The following SGSM2 variants were observed in gnomAD, a reference collection of about 807,000 sequenced individuals.
SGSM2 encodes RUN and TBC1 domain containing 1.
Under a neutral mutation model 126.6 loss-of-function variants are expected in SGSM2, and 89 were observed. The observed-to-expected ratio is 0.70, with a 90% CI of 0.59 to 0.84. The LOEUF (loss-of-function observed/expected upper bound fraction) is 0.84. SGSM2 is among the 40% of genes least tolerant of loss of function. The pLI, the probability that SGSM2 is intolerant of heterozygous loss-of-function variation, is 0.00. For synonymous variants in SGSM2, 614 were observed against 574.3 expected (o/e 1.07, Z -0.99); for missense variants, 1,404 against 1,416.6 (o/e 0.99, Z 0.14).
chr17:2,376,592 TG>T (rs1433646680), intron 19 of SGSM2, 140 bp from the exon 20 acceptor site: 14 of 916,986 alleles, frequency 1.5e-5, no homozygotes, highest in Non-Finnish European at 2.4e-5. Flanking sequence ...TGTCTCCCTG[TG>T]GGGGGTGCAC....
At chr17:2,358,163 C>G (rs2065157080) in intron 2 of SGSM2, among the ~76,000 whole-genome samples, 1 of 152,112 alleles carries the variant, frequency 6.6e-6, no homozygotes, top group African/African-American at 2.4e-5. Context: ...GGAGTAAGGC[C>G]CTGGAGTTCT....
chr17:2,376,425 T>A (rs1036531727), intron 19 of SGSM2, 164 bp downstream of exon 19: 5 of 817,102 alleles, frequency 6.1e-6, no homozygotes, highest in Admixed American at 2.8e-5. Context: ...CCCCCGCGCC[T>A]CTTCATTCTT....
intron 2 of SGSM2, among the ~76,000 whole-genome samples, chr17:2,359,831 C>T (rs905170834): frequency 1.3e-5 from 2 of 152,190 alleles, no homozygotes; most frequent in Non-Finnish European, 1.5e-5. Context: ...CCCCTCTGTC[C>T]TGTTCAGTGC....
At position 2,364,160 on chromosome 17, in the gene SGSM2, G is replaced by C; in HGVS notation, c.909G>C (p.Leu303=). The C allele has an allele frequency of 6.2e-7, 1 of 1,613,902 alleles. No homozygotes were observed. The part of the protein sequence containing the change: ...WTPNQLMNGT[L]GDSELEKSVY... ...CCAACCAGCTCATGAATGGGACTCT[G>C]GGGGACTCCGAGCTGGAAAAGAGGT... The change falls in exon 8 of 24, where the codon CTG becomes CTC. Residue 303 remains leucine (L), a synonymous_variant. Coordinates refer to ENST00000268989, the MANE Select transcript of SGSM2 (RefSeq NM_014853.3).
At position 2,353,799 on chromosome 17, in the gene SGSM2, C is replaced by T. The variant is rs564693065; in HGVS notation, c.134-7838C>T. 2.6e-5 allele frequency among the ~76,000 whole-genome samples: 4 copies of T among 151,944 alleles called. No individual in the cohort carries two copies. The South Asian group carries it at 6.3e-4, about 24-fold the overall frequency. Reference sequence around the variant, plus strand: ...AAAGCGTGCAGTGAAAAGTCTCACTCCTTTCTCTGCTCTTATTCACCCACT... The same window carrying T: ...AAAGCGTGCAGTGAAAAGTCTCACTTCTTTCTCTGCTCTTATTCACCCACT... On this transcript the variant is annotated intron_variant, in intron 2 of 23. Coordinates refer to ENST00000268989, the MANE Select transcript of SGSM2 (RefSeq NM_014853.3).
At chr17:2,351,629 C>T (rs1049965224) in intron 2 of SGSM2, among the ~76,000 whole-genome samples, 1 of 152,176 alleles carries the variant, frequency 6.6e-6, no homozygotes, top group African/African-American at 2.4e-5. Context: ...GATTTCATTT[C>T]CCCCTCCTTG....
At chr17:2,359,298 A>G (rs1204731423) in intron 2 of SGSM2, among the ~76,000 whole-genome samples, 4 of 151,824 alleles carry the variant, frequency 2.6e-5, no homozygotes, top group Non-Finnish European at 5.9e-5. Context: ...TAACATATTC[A>G]TCACACGTGC....
chr17:2,368,574 C>G (rs2065705227), intron 12 of SGSM2, among the ~76,000 whole-genome samples: 1 of 152,342 alleles, frequency 6.6e-6, no homozygotes, highest in Non-Finnish European at 1.5e-5. Context: ...GGCAGGACGG[C>G]CTGGTCTGTG....
chr17:2,348,847 G>A (rs764111451), intron 2 of SGSM2, among the ~76,000 whole-genome samples: 6 of 152,010 alleles, frequency 3.9e-5, no homozygotes, highest in East Asian at 1.9e-4. Context: ...ACTCAGCCTC[G>A]ACCTTCTGGG....
intron 2 of SGSM2, among the ~76,000 whole-genome samples, chr17:2,345,976 G>A (rs2064582246): frequency 6.6e-6 from 1 of 152,142 alleles, no homozygotes. Context: ...TCTTGCGGGG[G>A]ACGGGGAGGG....
chr17:2,357,080 G>A (rs549490525), intron 2 of SGSM2, among the ~76,000 whole-genome samples: 18 of 152,236 alleles, frequency 1.2e-4, no homozygotes, highest in African/African-American at 4.1e-4. Context: ...TGTAGCATTT[G>A]TTAGGCTGCA....
chr17:2,348,267 T>G (rs1040837834), intron 2 of SGSM2, among the ~76,000 whole-genome samples: 2 of 152,114 alleles, frequency 1.3e-5, no homozygotes, highest in Admixed American at 6.5e-5. Flanking sequence ...ATTCTGAGAT[T>G]TGGACTCCAG....
At chr17:2,376,906 G>T (rs1282432073) in intron 20 of SGSM2, 53 bp from the exon 21 acceptor site, 1 of 1,600,620 alleles carries the variant, frequency 6.2e-7, no homozygotes, top group African/African-American at 1.3e-5. Context: ...ATGGGAGCCG[G>T]CTCTGTCCCC....
rs1283409427 is a variant in SGSM2, at chr17:2,374,769, T to A, written c.2101-723T>A. Among the ~76,000 whole-genome samples, 3 of 152,208 alleles carry A rather than the reference T, an allele frequency of 2.0e-5. No individual in the cohort carries two copies. The East Asian group carries it at 5.8e-4, about 29-fold the overall frequency. The stretch of plus-strand genomic sequence containing the variant: ...AGTAGCTCCTCGCTGGCGTATTAGA[T>A]TGCCACAGAACCGTGGCCTTACCCA... On this transcript the variant is annotated intron_variant, in intron 17 of 23. Transcript: ENST00000268989.
At chr17:2,364,218 G>T (rs1251546690) in intron 8 of SGSM2, 35 bp downstream of exon 8, 2 of 1,612,212 alleles carry the variant, frequency 1.2e-6, no homozygotes, top group African/African-American at 2.7e-5. Context: ...AGGAGCCAGG[G>T]CAGGGAGTGG....
At position 2,363,196 on chromosome 17, in the gene SGSM2, G is replaced by A. The variant is rs577829387; in HGVS notation, c.672+62G>A. On this transcript the variant is annotated intron_variant, in intron 6 of 23. Coordinates refer to ENST00000268989, the MANE Select transcript of SGSM2 (RefSeq NM_014853.3). The surrounding 1 kb of genome is among the most constrained non-coding windows in gnomAD (Gnocchi z 4.2). ...GCTATGCCCATGGGCCTGTAGGGAC[G>A]GGAAACCGGCCTCTCTACGGGACAG... 2.3e-4 allele frequency: 356 copies of A among 1,518,192 alleles called. 3 individuals carry two copies. The East Asian group carries it at 4.7e-3, about 20-fold the overall frequency. The allele number at this position is 1,518,192 out of a possible 1,614,324, so 94.0% of individuals were successfully genotyped here. A position where few individuals can be genotyped will look rare whatever the true frequency, so the allele number is the denominator to read the frequency against.
Position 2,362,108 on chromosome 17 carries a change from G to A in SGSM2, c.297-1G>A. 2 of 1,609,940 alleles carry A rather than the reference G, an allele frequency of 1.2e-6. No individual in the cohort carries two copies. On this transcript the variant is annotated splice_acceptor_variant, in intron 3 of 23. Coordinates refer to ENST00000268989, the MANE Select transcript of SGSM2 (RefSeq NM_014853.3). LOFTEE classifies it high-confidence loss of function. This position sits in a 1 kb window ranked among gnomAD's most constrained non-coding sequence, Gnocchi z 4.9. The stretch of plus-strand genomic sequence containing the variant: ...TCCTGGAGCCCTCCCCGCCTTTGCA[G>A]GAAACCCTCAGGGGTCAGCCAGGAG...
rs199988152 is a variant in SGSM2, at chr17:2,379,020, C to T, written c.2900-16C>T. ...GCGGCTAGGACGGGTGAGCAGCAGCCGCTTACTCTCCGCAGAACTGCTGTA... is the reference window on the plus strand; with the variant it reads ...GCGGCTAGGACGGGTGAGCAGCAGCTGCTTACTCTCCGCAGAACTGCTGTA... On this transcript the variant is annotated splice_polypyrimidine_tract_variant and intron_variant, in intron 22 of 23. Coordinates refer to ENST00000268989, the MANE Select transcript of SGSM2 (RefSeq NM_014853.3). The T allele has an allele frequency of 1.0e-3, 1,625 of 1,609,808 alleles. 1 individual carries two copies. Among genetic ancestry groups the T allele is most frequent in the Non-Finnish European group, 1.3e-3 (1,537 of 1,177,100 alleles).
intron 17 of SGSM2, chr17:2,374,306 A>T (rs1415043514): frequency 1.3e-5 from 2 of 152,246 alleles, no homozygotes; most frequent in Non-Finnish European, 2.9e-5. Flanking sequence ...GCTGGGTGTG[A>T]TGGCTCATGC....
Sources: allele counts gnomAD v4.1 joint callset (sites outside exome capture counted in the v4.1 genomes callset), GRCh38; gene constraint gnomAD v4.1.1; non-coding constraint Gnocchi (gnomAD v3.1); transcripts MANE v1.5; gene names NCBI Gene and HGNC (gene_info 2026-07-23, HGNC 2026-07-21).